TDRD10: variants seen among roughly 807,000 people sequenced by gnomAD.
TDRD10 encodes tudor domain-containing protein 10.
A neutral mutation model predicts 48.0 loss-of-function variants in TDRD10; 40 were observed. The observed-to-expected ratio is 0.83, with a 90% CI of 0.65 to 1.09. The LOEUF (loss-of-function observed/expected upper bound fraction) is 1.09. Among genes scored for constraint, TDRD10 ranks in the 50% least tolerant of loss-of-function variants. The probability of loss-of-function intolerance (pLI) is 0.00; values close to 1 mark genes in which losing one functional copy is unlikely to be tolerated. For missense variants in TDRD10, 378 were observed against 434.7 expected, an observed-to-expected ratio of 0.87 and a Z score of 1.16; for synonymous variants, 162 against 170.4, an observed-to-expected ratio of 0.95 and a Z score of 0.38.
chr1:154,531,731 C>T (rs563535945), intron 6 of TDRD10, among the ~76,000 whole-genome samples: 38 of 152,282 alleles, frequency 2.5e-4, no homozygotes, highest in African/African-American at 7.5e-4. Context: ...ACTGCTGGCT[C>T]GGGCAGCCTG....
intron 6 of TDRD10, among the ~76,000 whole-genome samples, chr1:154,532,023 T>G (rs1305530957): frequency 6.6e-6 from 1 of 152,312 alleles, no homozygotes; most frequent in South Asian, 2.1e-4. Flanking sequence ...CCCAGCTGGC[T>G]TCACCCAGTG....
At chr1:154,531,276 G>C (rs1001079529) in intron 6 of TDRD10, among the ~76,000 whole-genome samples, 6 of 152,192 alleles carry the variant, frequency 3.9e-5, no homozygotes, top group South Asian at 2.1e-4. Context: ...CACCAGTGTC[G>C]TCTTGGCATT....
chr1:154,509,321 G>A (rs1250245298), intron 4 of TDRD10, among the ~76,000 whole-genome samples: 3 of 151,966 alleles, frequency 2.0e-5, no homozygotes, highest in South Asian at 4.2e-4. Context: ...TCTCTGCCTC[G>A]TTGTACCTTA....
intron 6 of TDRD10, among the ~76,000 whole-genome samples, chr1:154,538,774 ACCTGGG>A (rs1695060666): frequency 6.6e-6 from 1 of 151,888 alleles, no homozygotes. Context: ...AATGGTATGA[ACCTGGG>A]AGGCAGAGCT....
chr1:154,517,417 G>C (rs1322109405), intron 4 of TDRD10, among the ~76,000 whole-genome samples: 1 of 149,636 alleles, frequency 6.7e-6, no homozygotes, highest in Admixed American at 6.7e-5. Context: ...GCTGATATTA[G>C]ACCTTTTTTT....
chr1:154,504,053 C>T (rs571732055), intron 1 of TDRD10, among the ~76,000 whole-genome samples: 54 of 152,300 alleles, frequency 3.5e-4, no homozygotes, highest in Admixed American at 6.5e-4. Context: ...CTCCGCCTTC[C>T]CAGTCCTAGA....
At chr1:154,506,172 C>T (rs994690638) in intron 1 of TDRD10, among the ~76,000 whole-genome samples, 4 of 152,216 alleles carry the variant, frequency 2.6e-5, no homozygotes, top group African/African-American at 9.6e-5. Flanking sequence ...ACACATGTCT[C>T]AGTGGGCTAA....
At chr1:154,513,281 G>C (rs779528348) in intron 4 of TDRD10, among the ~76,000 whole-genome samples, 33 of 152,084 alleles carry the variant, frequency 2.2e-4, no homozygotes, top group Non-Finnish European at 4.0e-4. Context: ...GAAAGATAAT[G>C]GTTCATTAAC....
rs1221751514 is a variant in TDRD10 at position 154,502,435 on chromosome 1, C to CA, written c.-621dup. On this transcript the variant is annotated 5_prime_UTR_variant, in exon 1 of 13. Coordinates refer to ENST00000368482, the MANE Select transcript of TDRD10 (RefSeq NM_182499.4). ...GACGGTGGACGGACGGCGAGCGGCCCATCAACTCCGCGCGCCCCTCCCCTC... is the reference window on the plus strand; with the variant it reads ...GACGGTGGACGGACGGCGAGCGGCCCAATCAACTCCGCGCGCCCCTCCCCTC... 6.5e-6 allele frequency: 1 copy of CA among 152,722 alleles called. No individual in the cohort carries two copies. Among genetic ancestry groups the CA allele is most frequent in the African/African-American group, 2.4e-5 (1 of 41,484 alleles). The allele number at this position is 152,722 out of a possible 1,614,324, so 9.5% of individuals were successfully genotyped here.
intron 6 of TDRD10, among the ~76,000 whole-genome samples, chr1:154,541,447 G>T (rs991808304): frequency 2.6e-5 from 4 of 152,142 alleles, no homozygotes; most frequent in Admixed American, 6.5e-5. Flanking sequence ...GTCAAGGTGC[G>T]TGGGTGGTGG....
intron 1 of TDRD10, among the ~76,000 whole-genome samples, chr1:154,503,878 T>C (rs922361844): frequency 1.3e-4 from 20 of 152,238 alleles, no homozygotes; most frequent in African/African-American, 4.6e-4. Flanking sequence ...TATTGAGATA[T>C]AATTCACATA....
chr1:154,544,993 A>G, intron 11 of TDRD10, 44 bp downstream of exon 11: 1 of 1,603,268 alleles, frequency 6.2e-7, no homozygotes, highest in Non-Finnish European at 8.5e-7. Context: ...CAGGGACAGG[A>G]GAAGCCATGG....
rs761154815 is a variant in TDRD10 at position 154,507,278 on chromosome 1, CTGTT to C, written c.43_46del (p.Phe15GlyfsTer39). On this transcript the variant is annotated frameshift_variant, in exon 3 of 13. Transcript: ENST00000368482. LOFTEE classifies it high-confidence loss of function. ...TAGTCACCCCCAACTCTCTGATAAACTGTTTGGGAAGAATGGAGTGTTGGAGGAG... is the reference window on the plus strand; with the variant it reads ...TAGTCACCCCCAACTCTCTGATAAACTGGGAAGAATGGAGTGTTGGAGGAG... 6.2e-6 allele frequency: 10 copies of C among 1,613,978 alleles called. No homozygotes were observed. The highest frequency in any genetic ancestry group is 4.5e-5 in the East Asian group (2 of 44,892).
At chr1:154,519,493 G>C (rs753445494) in intron 4 of TDRD10, among the ~76,000 whole-genome samples, 3 of 152,160 alleles carry the variant, frequency 2.0e-5, no homozygotes, top group African/African-American at 7.2e-5. Context: ...GTATTGAGGG[G>C]TGCAGGCAGG....
intron 3 of TDRD10, 122 bp from the exon 4 acceptor site, chr1:154,508,301 G>A: frequency 1.4e-6 from 1 of 710,154 alleles, no homozygotes; most frequent in Non-Finnish European, 2.5e-6. Context: ...GATTGCTTGA[G>A]CCCAGGAATT....
Position 154,547,834 on chromosome 1 carries a change from G to A in TDRD10, c.*124G>A. The stretch of plus-strand genomic sequence containing the variant: ...GTGAAAAAGGCCAGACTGTGCCCAG[G>A]ATTGATTCAATTTTGCTTTTACTCC... On this transcript the variant is annotated 3_prime_UTR_variant, in exon 13 of 13. Coordinates refer to ENST00000368482, the MANE Select transcript of TDRD10 (RefSeq NM_182499.4). 1.6e-6 allele frequency: 2 copies of A among 1,229,340 alleles called. No homozygotes were observed. The highest frequency in any genetic ancestry group is 1.5e-5 in the African/African-American group (1 of 66,088). 76.2% of individuals were successfully genotyped at this position (1,229,340 alleles called of 1,614,324 possible). A position where few individuals can be genotyped will look rare whatever the true frequency, so the allele number is the denominator to read the frequency against.
At chr1:154,519,789 C>A (rs565120148) in intron 4 of TDRD10, among the ~76,000 whole-genome samples, 3 of 151,998 alleles carry the variant, frequency 2.0e-5, no homozygotes, top group South Asian at 4.2e-4. Context: ...CCCAAGCCCG[C>A]GGAGCAGGAT....
At chr1:154,528,778 T>A (rs1469277198) in intron 6 of TDRD10, among the ~76,000 whole-genome samples, 1 of 149,352 alleles carries the variant, frequency 6.7e-6, no homozygotes, top group African/African-American at 2.5e-5. Context: ...ATTGCACCAC[T>A]GCAGGTCAGC....
intron 6 of TDRD10, chr1:154,534,479 C>T (rs1570961848): frequency 1.3e-5 from 2 of 152,260 alleles, no homozygotes; most frequent in South Asian, 4.1e-4. Flanking sequence ...TTTCCATAGC[C>T]TGCTCCGATC....
Sources: gnomAD v4.1 joint callset for allele counts (sites outside exome capture counted in the v4.1 genomes callset) on GRCh38, gnomAD v4.1.1 for gene constraint, MANE v1.5 for transcripts, NCBI Gene and HGNC (gene_info 2026-07-23, HGNC 2026-07-21) for gene names.